ZFPM1: variants seen among roughly 807,000 people sequenced by gnomAD.
ZFPM1 encodes zinc finger protein, FOG family member 1.
In ZFPM1, 28 loss-of-function variants were observed where a neutral mutation model predicts 46.3. That is an observed-to-expected ratio of 0.60 (90% confidence interval 0.45 to 0.83). ZFPM1 has a LOEUF of 0.83. Among genes scored for constraint, ZFPM1 ranks in the 40% least tolerant of loss-of-function variants. The pLI is 0.00. For missense variants in ZFPM1, 1,878 were observed against 1,432.4 expected (o/e 1.31, Z -5.02); for synonymous variants, 957 against 675.9 (o/e 1.42, Z -6.45).
intron 4 of ZFPM1, among the ~76,000 whole-genome samples, chr16:88,521,816 CCT>C (rs1458617058): frequency 6.7e-6 from 1 of 149,296 alleles, no homozygotes; most frequent in Non-Finnish European, 1.5e-5. Flanking sequence ...TGTTCCCTCC[CCT>C]GTGCTGTTCC....
chr16:88,519,940 T>G (rs571944285), intron 4 of ZFPM1, among the ~76,000 whole-genome samples: 2 of 139,942 alleles, frequency 1.4e-5, no homozygotes, highest in South Asian at 5.1e-4. Context: ...GATGAGTGGA[T>G]GGATGGATGA....
chr16:88,514,308 C>G, intron 3 of ZFPM1, 79 bp from the exon 4 acceptor site: 1 of 1,532,294 alleles, frequency 6.5e-7, no homozygotes, highest in Non-Finnish European at 8.8e-7. Context: ...TCCACTGCCC[C>G]TTGGGCCAAC....
intron 3 of ZFPM1, among the ~76,000 whole-genome samples, chr16:88,494,356 C>T (rs1909805339): frequency 6.6e-6 from 1 of 152,114 alleles, no homozygotes; most frequent in African/African-American, 2.4e-5. Flanking sequence ...GTTACCCTCT[C>T]AGCACCAGGG....
At chr16:88,470,360 G>C (rs1908358529) in intron 1 of ZFPM1, among the ~76,000 whole-genome samples, 1 of 152,214 alleles carries the variant, frequency 6.6e-6, no homozygotes, top group Non-Finnish European at 1.5e-5. Flanking sequence ...TGTGTGCTGG[G>C]CATGGTCCAG....
intron 3 of ZFPM1, among the ~76,000 whole-genome samples, chr16:88,512,376 G>C (rs1265856538): frequency 6.6e-6 from 1 of 152,172 alleles, no homozygotes; most frequent in Non-Finnish European, 1.5e-5. Flanking sequence ...ACCAGCCCCA[G>C]GTGCACAGCA....
At chr16:88,523,980 A>T (rs991137851) in intron 4 of ZFPM1, among the ~76,000 whole-genome samples, 3 of 152,204 alleles carry the variant, frequency 2.0e-5, no homozygotes, top group African/African-American at 7.2e-5. Context: ...GGGTGCGTGC[A>T]GCGTCAGCAC....
At chr16:88,454,843 G>A (rs1240410436) in intron 1 of ZFPM1, among the ~76,000 whole-genome samples, 1 of 152,204 alleles carries the variant, frequency 6.6e-6, no homozygotes, top group African/African-American at 2.4e-5. Context: ...CCGCTGCCCA[G>A]CCGTAGGCGC....
At chr16:88,458,120 G>T (rs149275014) in intron 1 of ZFPM1, among the ~76,000 whole-genome samples, 8 of 152,208 alleles carry the variant, frequency 5.3e-5, no homozygotes, top group African/African-American at 1.9e-4. Context: ...CCAAGCAAGT[G>T]ATGGAGCTAG....
Position 88,514,407 on chromosome 16 carries a change from C to A in ZFPM1, c.289C>A (p.Gln97Lys). ...TGCAGACGAGCTGGAGCCGGTGGTG[C>A]AGGATGGGCAGAGGCGCATACGGGC... is the stretch of plus-strand genomic sequence containing the variant. ...SGPDELEPVVQDGQRRIRARL... is the reference protein window; with the variant it reads ...SGPDELEPVVKDGQRRIRARL... The change falls in exon 4 of 10, where the codon CAG becomes AAG. Residue 97 changes from glutamine to lysine, a missense_variant. Coordinates refer to ENST00000319555, the MANE Select transcript of ZFPM1 (RefSeq NM_153813.3). The A allele has an allele frequency of 6.4e-7, 1 of 1,563,848 alleles. No individual in the cohort carries two copies. Among genetic ancestry groups the A allele is most frequent in the Admixed American group, 1.9e-5 (1 of 52,916 alleles).
chr16:88,503,141 C>A (rs1910464708), intron 3 of ZFPM1, among the ~76,000 whole-genome samples: 1 of 152,224 alleles, frequency 6.6e-6, no homozygotes, highest in African/African-American at 2.4e-5. Flanking sequence ...CCAGTGGGGA[C>A]CCCCGTGGGT....
rs182656964 is a variant in ZFPM1 at position 88,512,434 on chromosome 16, G to A, written c.269-1953G>A. 6.4e-3 allele frequency among the ~76,000 whole-genome samples: 978 copies of A among 152,290 alleles called. 7 individuals carry two copies. Among genetic ancestry groups the A allele is most frequent in the African/African-American group, 0.022 (906 of 41,558 alleles). Reference sequence around the variant, plus strand: ...TCTGGTCAGGAATGTTCTGGAACCCGAGGGGAAGGCATGCCACCCCTTCCC... The same window carrying A: ...TCTGGTCAGGAATGTTCTGGAACCCAAGGGGAAGGCATGCCACCCCTTCCC... On this transcript the variant is annotated intron_variant, in intron 3 of 9. Coordinates refer to ENST00000319555, the MANE Select transcript of ZFPM1 (RefSeq NM_153813.3).
chr16:88,459,847 T>A (rs1907737801), intron 1 of ZFPM1, among the ~76,000 whole-genome samples: 1 of 142,430 alleles, frequency 7.0e-6, no homozygotes, highest in Non-Finnish European at 1.5e-5. Flanking sequence ...GATCTGTGGT[T>A]TCCAGCTTAT....
intron 4 of ZFPM1, among the ~76,000 whole-genome samples, chr16:88,517,218 ATGGATGGATGGGTGGGTGGGTGGG>A (rs1290460625): frequency 5.1e-5 from 5 of 98,368 alleles, no homozygotes; most frequent in South Asian, 4.1e-4. Flanking sequence ...GGATGGATGG[ATGGATGGATGGGTGGGTGGGTGGG>A]TGGATGGATG....
At position 88,480,274 on chromosome 16, in the gene ZFPM1, C is replaced by G. The variant is rs998941322; in HGVS notation, c.41-5665C>G. On this transcript the variant is annotated intron_variant, in intron 1 of 9. Transcript: ENST00000319555. This position sits in a 1 kb window ranked among gnomAD's most constrained non-coding sequence, Gnocchi z 4.9. ...GTGGTGCTCACACTGGCATCTTCCA[C>G]TTTTTGGGGGATGGGGCTGGTCACT... 1.3e-5 allele frequency among the ~76,000 whole-genome samples: 2 copies of G among 152,158 alleles called. No homozygotes were observed. The highest frequency in any genetic ancestry group is 2.4e-5 in the African/African-American group (1 of 41,430).
intron 1 of ZFPM1, among the ~76,000 whole-genome samples, chr16:88,461,080 TCTGGTGAGGACCAAGGGGCAGGAGGCC>T (rs1350052174): frequency 6.8e-5 from 4 of 59,052 alleles, no homozygotes; most frequent in African/African-American, 4.4e-4. Context: ...GGGCAGAAGG[TCTGGTGAGGACCAAGGGGCAGGAGGCC>T]CTGGTGAGGA....
intron 2 of ZFPM1, among the ~76,000 whole-genome samples, chr16:88,486,868 A>G (rs1597243344): frequency 6.6e-6 from 1 of 152,240 alleles, no homozygotes; most frequent in Non-Finnish European, 1.5e-5. Flanking sequence ...TGCTGGGTGC[A>G]CAGTGGTGTC....
chr16:88,486,083 G>A (rs1484726989), intron 2 of ZFPM1, 40 bp downstream of exon 2: 20 of 1,571,466 alleles, frequency 1.3e-5, no homozygotes, highest in Non-Finnish European at 1.6e-5. Flanking sequence ...CTCCAGCCGG[G>A]GCCTCCATTG....
In ZFPM1 at chr16:88,532,408, T is replaced by G. The variant is rs370627304; in HGVS notation, c.946+173T>G. On this transcript the variant is annotated intron_variant, in intron 7 of 9. Coordinates refer to ENST00000319555, the MANE Select transcript of ZFPM1 (RefSeq NM_153813.3). Reference sequence around the variant, plus strand: ...GGCCCAGAGCAGGCAGGCCGGACTGTGGGCTATCTGGGTAGTCAGCTGAGG... The same window carrying G: ...GGCCCAGAGCAGGCAGGCCGGACTGGGGGCTATCTGGGTAGTCAGCTGAGG... 2.7e-4 allele frequency among the ~76,000 whole-genome samples: 41 copies of G among 152,232 alleles called. No homozygotes were observed. The East Asian group carries it at 5.6e-3, about 21-fold the overall frequency.
chr16:88,453,187 G>C (rs917894189), upstream of ZFPM1: 1 of 146,878 alleles, frequency 6.8e-6, no homozygotes, highest in African/African-American at 2.5e-5. Flanking sequence ...TGCAGGGCCC[G>C]GCAGGAGGCA....
Sources: allele counts gnomAD v4.1 joint callset (sites outside exome capture counted in the v4.1 genomes callset), GRCh38; gene constraint gnomAD v4.1.1; non-coding constraint Gnocchi (gnomAD v3.1); transcripts MANE v1.5; gene names NCBI Gene and HGNC (gene_info 2026-07-23, HGNC 2026-07-21).